The following POU2F3 variants were observed in gnomAD, a reference collection of about 807,000 sequenced individuals.
POU2F3 encodes POU class 2 homeobox 3, also known as POU domain, class 2, transcription factor 3.
A neutral mutation model predicts 59.2 loss-of-function variants in POU2F3; 23 were observed. That is an observed-to-expected ratio of 0.39 (90% CI 0.28 to 0.55). The LOEUF (loss-of-function observed/expected upper bound fraction) is 0.55, where lower values mean the gene tolerates loss of function less well. Among genes scored for constraint, POU2F3 ranks in the 20% least tolerant of loss-of-function variants. POU2F3 has a pLI of 0.66. For missense variants in POU2F3, 473 were observed against 544.5 expected (o/e 0.87, Z 1.31); for synonymous variants, 190 against 214.6 (o/e 0.89, Z 1.00).
chr11:120,243,186 G>C (rs1288279502), intron 1 of POU2F3, among the ~76,000 whole-genome samples: 1 of 152,138 alleles, frequency 6.6e-6, no homozygotes, highest in Admixed American at 6.5e-5. Context: ...GGGGCCGGTG[G>C]GTCCTTTGAA....
intron 3 of POU2F3, among the ~76,000 whole-genome samples, chr11:120,287,578 G>A (rs1266453574): frequency 1.3e-5 from 2 of 152,178 alleles, no homozygotes. Flanking sequence ...TACACTGGTA[G>A]AGTCCCTTGG....
At chr11:120,255,410 T>C (rs1313402792) in intron 2 of POU2F3, among the ~76,000 whole-genome samples, 1 of 152,058 alleles carries the variant, frequency 6.6e-6, no homozygotes, top group Non-Finnish European at 1.5e-5. Context: ...GTGGTTGCTA[T>C]GACGATGGGG....
chr11:120,257,772 G>A (rs779215210), intron 2 of POU2F3, among the ~76,000 whole-genome samples: 1 of 152,152 alleles, frequency 6.6e-6, no homozygotes, highest in Non-Finnish European at 1.5e-5. Flanking sequence ...GCAGGGTGAG[G>A]ATCAAACAAG....
At chr11:120,291,582 TCA>T (rs775256720) in intron 3 of POU2F3, among the ~76,000 whole-genome samples, 4 of 152,208 alleles carry the variant, frequency 2.6e-5, no homozygotes, top group Non-Finnish European at 4.4e-5. Flanking sequence ...TATAATTCCA[TCA>T]CACACACAGA....
chr11:120,281,207 C>G (rs1940556198), intron 3 of POU2F3, among the ~76,000 whole-genome samples: 1 of 151,988 alleles, frequency 6.6e-6, no homozygotes, highest in South Asian at 2.1e-4. Flanking sequence ...TACCTGATAC[C>G]AGGTCACAGC....
At chr11:120,259,941 G>A (rs545662809) in intron 2 of POU2F3, among the ~76,000 whole-genome samples, 126 of 152,316 alleles carry the variant, frequency 8.3e-4, no homozygotes, top group African/African-American at 3.0e-3. Flanking sequence ...TGACCACGCT[G>A]GAAGCTTCTC....
intron 7 of POU2F3, 151 bp downstream of exon 7, chr11:120,305,363 C>A: frequency 1.0e-6 from 1 of 990,640 alleles, no homozygotes; most frequent in Non-Finnish European, 1.4e-6. Context: ...GGCACAGTTG[C>A]CATTGGTAGG....
intron 5 of POU2F3, chr11:120,301,540 G>A (rs1941347227): frequency 6.5e-6 from 1 of 154,974 alleles, no homozygotes; most frequent in African/African-American, 2.4e-5. Flanking sequence ...TGAGTGACAA[G>A]CGATTGGGAT....
At chr11:120,283,941 A>T (rs1940679413) in intron 3 of POU2F3, among the ~76,000 whole-genome samples, 1 of 134,452 alleles carries the variant, frequency 7.4e-6, no homozygotes, top group African/African-American at 2.7e-5. Flanking sequence ...AAATAAATGC[A>T]TGGAGGCAAG....
chr11:120,303,205 C>CGGG (rs879437120), intron 6 of POU2F3: 16,970 of 152,254 alleles, frequency 0.11, 1,205 homozygotes, highest in African/African-American at 0.18. Context: ...GGAAGCTCGC[C>CGGG]ATCTAGTGGT....
intron 3 of POU2F3, among the ~76,000 whole-genome samples, chr11:120,296,568 C>T (rs1166621226): frequency 1.3e-5 from 2 of 152,122 alleles, no homozygotes; most frequent in African/African-American, 2.4e-5. Context: ...CTTCTACCCT[C>T]CAACAGGCCC....
intron 4 of POU2F3, among the ~76,000 whole-genome samples, chr11:120,299,165 C>T (rs946882100): frequency 2.0e-5 from 3 of 152,208 alleles, no homozygotes; most frequent in Non-Finnish European, 4.4e-5. Flanking sequence ...CCCACCCCAA[C>T]ACCCTCCAGG....
At chr11:120,304,186 C>A (rs999506023) in intron 6 of POU2F3, 1 of 151,982 alleles carries the variant, frequency 6.6e-6, no homozygotes, top group Non-Finnish European at 1.5e-5. Context: ...CAAAAGTTAG[C>A]CAGGTGTGGT....
intron 3 of POU2F3, among the ~76,000 whole-genome samples, chr11:120,279,367 C>T (rs1319394547): frequency 5.9e-5 from 9 of 152,114 alleles, no homozygotes; most frequent in African/African-American, 1.4e-4. Context: ...TAAAGTACTT[C>T]GAATAATGTC....
intron 12 of POU2F3, among the ~76,000 whole-genome samples, chr11:120,317,970 A>G (rs920258221): frequency 5.9e-5 from 9 of 152,234 alleles, no homozygotes; most frequent in Non-Finnish European, 1.2e-4. Flanking sequence ...TCGTCAGAAA[A>G]GATGAACCCA....
intron 5 of POU2F3, chr11:120,300,965 A>C: frequency 2.2e-6 from 1 of 452,172 alleles, no homozygotes; most frequent in Admixed American, 2.4e-5. Flanking sequence ...TGAATTTTTA[A>C]GTGTTTATTT....
chr11:120,281,715 C>T (rs1940578432), intron 3 of POU2F3, among the ~76,000 whole-genome samples: 1 of 152,162 alleles, frequency 6.6e-6, no homozygotes. Flanking sequence ...TGGGGTGTCC[C>T]TGGTTCCAGT....
At chr11:120,260,545 G>C (rs1225402145) in intron 2 of POU2F3, among the ~76,000 whole-genome samples, 1 of 152,142 alleles carries the variant, frequency 6.6e-6, no homozygotes, top group Non-Finnish European at 1.5e-5. Context: ...TGGAATCCTG[G>C]GGCTCCCCAG....
chr11:120,249,948 C>G (rs1171562574), intron 2 of POU2F3: 2 of 152,218 alleles, frequency 1.3e-5, no homozygotes, highest in Non-Finnish European at 2.9e-5. Context: ...CTCTATCAGA[C>G]TCTTATCCTA....
Sources: allele counts gnomAD v4.1 joint callset (sites outside exome capture counted in the v4.1 genomes callset), GRCh38; gene constraint gnomAD v4.1.1; transcripts MANE v1.5; gene names NCBI Gene and HGNC (gene_info 2026-07-23, HGNC 2026-07-21).